The following KCNK12 variants were observed in gnomAD, a reference collection of about 807,000 sequenced individuals.
The protein encoded by KCNK12 is potassium two pore domain channel subfamily K member 12, also known as potassium channel subfamily K member 12.
In KCNK12, 6 loss-of-function variants were observed where a neutral mutation model predicts 25.3. The ratio of observed to expected loss-of-function variants is 0.24; its 90% CI spans 0.13 to 0.47. KCNK12 has a LOEUF of 0.47. KCNK12 is among the 20% of genes least tolerant of loss of function. The probability of loss-of-function intolerance (pLI) is 0.99; values close to 1 mark genes in which losing one functional copy is unlikely to be tolerated. For synonymous variants in KCNK12, 331 were observed against 311.1 expected, an observed-to-expected ratio of 1.06 and a Z score of -0.67; for missense variants, 444 against 661.7, an observed-to-expected ratio of 0.67 and a Z score of 3.61.
At chr2:47,553,424 C>T (rs1669482493) in intron 1 of KCNK12, among the ~76,000 whole-genome samples, 1 of 152,018 alleles carries the variant, frequency 6.6e-6, no homozygotes, top group South Asian at 2.1e-4. Context: ...TGGGGGGGCA[C>T]CCAGGATCTC....
rs978403895 is a variant in KCNK12 at position 47,516,732 on chromosome 2, A to T, written c.*4175T>A. 1 of 152,268 alleles carries T rather than the reference A, an allele frequency of 6.6e-6. No homozygotes were observed. The highest frequency in any genetic ancestry group is 2.4e-5 in the African/African-American group (1 of 41,458). The allele number at this position is 152,268 out of a possible 1,614,324, so 9.4% of individuals were successfully genotyped here. ...CCTGAGAGAACAGATAGCATAAAAA[A>T]TGATTTGTAAAGCAAGGGGGAGCTT... On this transcript the variant is annotated 3_prime_UTR_variant, in exon 2 of 2. Transcript: ENST00000327876.
rs1221579458 is a variant in KCNK12, at chr2:47,525,192, C to T, written c.392-3384G>A. ...CAGGTCTGGGGCTAGCAACCCCCCA[C>T]ACCCCCACCTCCAGGCTGTACGGAA... On this transcript the variant is annotated intron_variant, in intron 1 of 1. Coordinates refer to ENST00000327876, the MANE Select transcript of KCNK12 (RefSeq NM_022055.2). The surrounding 1 kb of genome is among the most constrained non-coding windows in gnomAD (Gnocchi z 4.1). Among the ~76,000 whole-genome samples, 1 of 152,248 alleles carries T rather than the reference C, an allele frequency of 6.6e-6. No homozygotes were observed. Among genetic ancestry groups the T allele is most frequent in the Non-Finnish European group, 1.5e-5 (1 of 68,044 alleles).
chr2:47,530,919 A>G (rs1668909123), intron 1 of KCNK12, among the ~76,000 whole-genome samples: 1 of 152,210 alleles, frequency 6.6e-6, no homozygotes, highest in Admixed American at 6.5e-5. Context: ...CATGGCAGAG[A>G]TTTGAAACTA....
intron 1 of KCNK12, among the ~76,000 whole-genome samples, chr2:47,554,468 C>A (rs745644034): frequency 3.3e-5 from 5 of 152,146 alleles, no homozygotes; most frequent in Admixed American, 6.5e-5. Flanking sequence ...GTCAGCCATG[C>A]CGTGACTCAC....
At chr2:47,526,346 C>T (rs2104747090) in intron 1 of KCNK12, among the ~76,000 whole-genome samples, 1 of 148,500 alleles carries the variant, frequency 6.7e-6, no homozygotes, top group South Asian at 2.1e-4. Flanking sequence ...GCGGAGCTTG[C>T]AGTGAGCCGA....
rs1669866464 is a variant in KCNK12, at chr2:47,570,336, C to G, written c.-5G>C. ...CCGGGGGCTGCGGGAGGACATGGTC[C>G]GGAGCTCAGCCCCGGGGCCGGGGCG... is the stretch of plus-strand genomic sequence containing the variant. On this transcript the variant is annotated 5_prime_UTR_variant, in exon 1 of 2. Coordinates refer to ENST00000327876, the MANE Select transcript of KCNK12 (RefSeq NM_022055.2). 1.6e-6 allele frequency: 2 copies of G among 1,268,212 alleles called. No individual in the cohort carries two copies. Among genetic ancestry groups the G allele is most frequent in the Non-Finnish European group, 2.0e-6 (2 of 1,010,648 alleles). The allele number at this position is 1,268,212 out of a possible 1,614,324, so 78.6% of individuals were successfully genotyped here.
rs551268236 is a variant in KCNK12, at chr2:47,528,389, G to A, written c.392-6581C>T. 6.6e-6 allele frequency: 1 copy of A among 152,320 alleles called. No individual in the cohort carries two copies. Among genetic ancestry groups the A allele is most frequent in the Non-Finnish European group, 1.5e-5 (1 of 68,194 alleles). 9.4% of individuals were successfully genotyped at this position (152,320 alleles called of 1,614,324 possible). ...TCAAGGTCAGTAGGTTCAGAGCTCT[G>A]GGGGGGTGCTGAGACCCTGGGACAG... On this transcript the variant is annotated intron_variant, in intron 1 of 1. Transcript: ENST00000327876. This position sits in a 1 kb window ranked among gnomAD's most constrained non-coding sequence, Gnocchi z 4.5.
intron 1 of KCNK12, among the ~76,000 whole-genome samples, chr2:47,532,066 A>G (rs13001992): frequency 6.6e-6 from 1 of 152,052 alleles, no homozygotes; most frequent in Non-Finnish European, 1.5e-5. Context: ...CCCCAAAAAC[A>G]AAAAACAATA....
intron 1 of KCNK12, among the ~76,000 whole-genome samples, chr2:47,549,323 A>G (rs1669376689): frequency 6.6e-6 from 1 of 152,212 alleles, no homozygotes; most frequent in Non-Finnish European, 1.5e-5. Context: ...CAACTGATCT[A>G]TAAAGAACTG....
In KCNK12 at chr2:47,510,564, A is replaced by G. The variant is rs112762121; in HGVS notation, c.*10343T>C. Among the ~76,000 whole-genome samples the G allele has an allele frequency of 0.015, 2,280 of 152,218 alleles. 27 individuals are homozygous for G. The highest frequency in any genetic ancestry group is 0.032 in the South Asian group (155 of 4,820). On this transcript the variant is annotated 3_prime_UTR_variant, in exon 2 of 2. Transcript: ENST00000327876. ...GGCTCCAGGATCTGCCCTGGGGGCTATCTCAACACCCCTACACTCTCACCG... is the reference window on the plus strand; with the variant it reads ...GGCTCCAGGATCTGCCCTGGGGGCTGTCTCAACACCCCTACACTCTCACCG...
intron 1 of KCNK12, among the ~76,000 whole-genome samples, chr2:47,552,724 C>T (rs1269506009): frequency 6.6e-6 from 1 of 151,932 alleles, no homozygotes; most frequent in Non-Finnish European, 1.5e-5. Context: ...GCAGGGATCG[C>T]ACCACTCCAC....
At chr2:47,534,363 G>C (rs907737353) in intron 1 of KCNK12, among the ~76,000 whole-genome samples, 1 of 151,886 alleles carries the variant, frequency 6.6e-6, no homozygotes, top group African/African-American at 2.4e-5. Flanking sequence ...ACCTCTCCTG[G>C]GGAGCAGCTG....
chr2:47,558,060 A>C (rs1669585995), intron 1 of KCNK12, among the ~76,000 whole-genome samples: 1 of 152,256 alleles, frequency 6.6e-6, no homozygotes, highest in Admixed American at 6.5e-5. Context: ...TTTATAAAAC[A>C]GGTGCCTAGG....
intron 1 of KCNK12, among the ~76,000 whole-genome samples, chr2:47,554,988 A>G (rs1669522893): frequency 6.6e-6 from 1 of 152,208 alleles, no homozygotes; most frequent in South Asian, 2.1e-4. Context: ...ATTTATTGAT[A>G]TGAAGACTCA....
chr2:47,510,146 C>T lies in KCNK12; in HGVS notation c.*10761G>A, dbSNP rs907874245. Reference sequence around the variant, plus strand: ...GAGAGCATTTTTTACCTTCTCCCTGCTACTTCTTGCTACTAGTAACATGGA... The same window carrying T: ...GAGAGCATTTTTTACCTTCTCCCTGTTACTTCTTGCTACTAGTAACATGGA... On this transcript the variant is annotated 3_prime_UTR_variant, in exon 2 of 2. Coordinates refer to ENST00000327876, the MANE Select transcript of KCNK12 (RefSeq NM_022055.2). 1 of 152,158 alleles carries T rather than the reference C, an allele frequency of 6.6e-6. No homozygotes were observed. Among genetic ancestry groups the T allele is most frequent in the African/African-American group, 2.4e-5 (1 of 41,432 alleles). 9.4% of individuals were successfully genotyped at this position (152,158 alleles called of 1,614,324 possible). A position where few individuals can be genotyped will look rare whatever the true frequency, so the allele number is the denominator to read the frequency against.
In KCNK12 at chr2:47,570,494, CAG is replaced by C. The variant is rs1669870574; in HGVS notation, c.-165_-164del. 1 of 688,034 alleles carries C rather than the reference CAG, an allele frequency of 1.5e-6. No homozygotes were observed. The highest frequency in any genetic ancestry group is 2.0e-6 in the Non-Finnish European group (1 of 506,670). 42.6% of individuals were successfully genotyped at this position (688,034 alleles called of 1,614,324 possible). ...CCTCGTCGCCTTCCCAGAGCCCGGA[CAG>C]AGGGGCGCCTCCGCCTCCTCCCCGG... On this transcript the variant is annotated 5_prime_UTR_variant, in exon 1 of 2. Transcript: ENST00000327876.
chr2:47,535,459 C>T (rs76816201), intron 1 of KCNK12, among the ~76,000 whole-genome samples: 17 of 152,194 alleles, frequency 1.1e-4, no homozygotes, highest in African/African-American at 2.9e-4. Flanking sequence ...CTAATGGGGG[C>T]GCACCCCTCC....
chr2:47,563,545 T>A (rs1669727766), intron 1 of KCNK12: 1 of 233,158 alleles, frequency 4.3e-6, no homozygotes, highest in South Asian at 1.8e-4. Flanking sequence ...GAGCCTTGTG[T>A]AAAATGAGGA....
intron 1 of KCNK12, among the ~76,000 whole-genome samples, chr2:47,537,297 G>GAGC (rs1211092226): frequency 6.6e-6 from 1 of 151,830 alleles, no homozygotes; most frequent in African/African-American, 2.4e-5. Context: ...TCCGTACATG[G>GAGC]AGCACACTGC....
Sources: gnomAD v4.1 joint callset for allele counts (sites outside exome capture counted in the v4.1 genomes callset) on GRCh38, gnomAD v4.1.1 for gene constraint, Gnocchi (gnomAD v3.1) non-coding constraint, MANE v1.5 for transcripts, NCBI Gene and HGNC (gene_info 2026-07-23, HGNC 2026-07-21) for gene names.